NAA11: variants seen among roughly 807,000 people sequenced by gnomAD.
NAA11 encodes the protein N-alpha-acetyltransferase 11.
A neutral mutation model predicts 16.1 loss-of-function variants in NAA11; 15 were observed. That is an observed-to-expected ratio of 0.93 (90% CI 0.62 to 1.44). NAA11 has a LOEUF of 1.44. Ranked by LOEUF, NAA11 falls within the 40% of genes most tolerant of loss-of-function variation. The pLI is 0.00. For missense variants in NAA11, 298 were observed against 291.3 expected (o/e 1.02, Z -0.17); for synonymous variants, 122 against 112.4 (o/e 1.09, Z -0.54).
chr4:79,292,804 C>A (rs1723117688), intron 2 of NAA11, among the ~76,000 whole-genome samples: 1 of 152,158 alleles, frequency 6.6e-6, no homozygotes, highest in East Asian at 1.9e-4. Context: ...ATCTAAAAAT[C>A]TCTGTGGCTT....
At chr4:79,189,145 C>CAAAAAAAAAAAAA in the NAA11 span, among the ~76,000 whole-genome samples, 29 of 42,296 alleles carry the variant, frequency 6.9e-4, 8 homozygotes, top group South Asian at 4.6e-3. Flanking sequence ...GACTCCATCT[C>CAAAAAAAAAAAAA]AAAAAAAAAA....
chr4:79,290,381 G>T (rs1482351202), intron 2 of NAA11, among the ~76,000 whole-genome samples: 1 of 152,146 alleles, frequency 6.6e-6, no homozygotes, highest in African/African-American at 2.4e-5. Context: ...GCCAGAAATT[G>T]TCCTGTTGTG....
the NAA11 span, among the ~76,000 whole-genome samples, chr4:79,220,242 G>A: frequency 1.3e-5 from 2 of 152,262 alleles, no homozygotes; most frequent in South Asian, 2.1e-4. Flanking sequence ...ACAGGCAGGC[G>A]CCACTACGCC....
the NAA11 span, among the ~76,000 whole-genome samples, chr4:79,175,522 A>G: frequency 6.6e-6 from 1 of 152,020 alleles, no homozygotes; most frequent in African/African-American, 2.4e-5. Context: ...TGTTTCATCT[A>G]TAATTTGCGC....
At chr4:79,172,984 C>A in the NAA11 span, among the ~76,000 whole-genome samples, 1 of 152,140 alleles carries the variant, frequency 6.6e-6, no homozygotes, top group African/African-American at 2.4e-5. Context: ...CTCCACATTT[C>A]ATTCTTTTCC....
the NAA11 span, among the ~76,000 whole-genome samples, chr4:79,190,075 G>A: frequency 5.3e-5 from 8 of 152,014 alleles, no homozygotes; most frequent in Non-Finnish European, 8.8e-5. Context: ...CAAAAAACCC[G>A]CACAAAGCTA....
the NAA11 span, among the ~76,000 whole-genome samples, chr4:79,197,953 G>A: frequency 2.0e-5 from 3 of 146,968 alleles, no homozygotes; most frequent in Admixed American, 7.0e-5. Flanking sequence ...AAGGTTATGC[G>A]AGGTAAGTAA....
At chr4:79,279,261 T>C (rs1247708215) in intron 2 of NAA11, among the ~76,000 whole-genome samples, 1 of 152,120 alleles carries the variant, frequency 6.6e-6, no homozygotes, top group Non-Finnish European at 1.5e-5. Flanking sequence ...CATTTTCTCA[T>C]TTAATTCTCC....
intron 2 of NAA11, among the ~76,000 whole-genome samples, chr4:79,236,779 CAG>C (rs1054373300): frequency 6.6e-6 from 1 of 152,160 alleles, no homozygotes; most frequent in Admixed American, 6.6e-5. Flanking sequence ...GTTGCACAAA[CAG>C]AGCCATCTCT....
the NAA11 span, among the ~76,000 whole-genome samples, chr4:79,209,625 GA>G: frequency 6.6e-6 from 1 of 151,892 alleles, no homozygotes; most frequent in East Asian, 1.9e-4. Flanking sequence ...ATATAAGTAG[GA>G]AAAAAAGGAT....
the NAA11 span, among the ~76,000 whole-genome samples, chr4:79,219,896 C>G: frequency 6.6e-6 from 1 of 152,190 alleles, no homozygotes; most frequent in African/African-American, 2.4e-5. Flanking sequence ...GTTCAAGTTT[C>G]TCCAACTGTC....
chr4:79,246,390 A>G (rs1578160676), intron 2 of NAA11, among the ~76,000 whole-genome samples: 1 of 34,524 alleles, frequency 2.9e-5, no homozygotes, highest in South Asian at 2.5e-3. Flanking sequence ...AAAAAAAAAA[A>G]AAAAAAAAAG....
chr4:79,201,080 C>T, the NAA11 span, among the ~76,000 whole-genome samples: 5 of 151,310 alleles, frequency 3.3e-5, no homozygotes, highest in Admixed American at 2.6e-4. Context: ...TTTTTCCTTA[C>T]GTTTCATGCT....
intron 1 of NAA11, among the ~76,000 whole-genome samples, chr4:79,309,714 CTTTTTTTTTTTTTTT>C (rs71662804): frequency 6.1e-5 from 5 of 81,422 alleles, no homozygotes; most frequent in African/African-American, 2.5e-4. Flanking sequence ...TTTTTTTTTT[CTTTTTTTTTTTTTTT>C]TTTTGAGATG....
At chr4:79,310,041 G>A (rs1043590448) in intron 1 of NAA11, among the ~76,000 whole-genome samples, 3 of 151,940 alleles carry the variant, frequency 2.0e-5, no homozygotes, top group African/African-American at 7.3e-5. Flanking sequence ...ATATAAAATG[G>A]GATTCATTAT....
At chr4:79,279,983 T>A (rs983149138) in intron 2 of NAA11, among the ~76,000 whole-genome samples, 22 of 152,154 alleles carry the variant, frequency 1.4e-4, no homozygotes, top group African/African-American at 4.6e-4. Context: ...ATGGGCAACA[T>A]TCATGGATGT....
rs114663572 is a variant in NAA11 at position 79,288,218 on chromosome 4, G to T, written c.*122+5787C>A. On this transcript the variant is annotated intron_variant and NMD_transcript_variant, in intron 2 of 2. Coordinates refer to the NAA11 transcript ENST00000511542. Reference sequence around the variant, plus strand: ...CACTGACACCTCATTACAGAATGGGGTGTTTTTTCCCCCAGTCTGTATTAG... The same window carrying T: ...CACTGACACCTCATTACAGAATGGGTTGTTTTTTCCCCCAGTCTGTATTAG... Among the ~76,000 whole-genome samples, 1,463 of 152,198 alleles carry T rather than the reference G, an allele frequency of 9.6e-3. 12 individuals carry two copies. Among genetic ancestry groups the T allele is most frequent in the Non-Finnish European group, 0.015 (1,010 of 68,006 alleles).
chr4:79,306,619 G>A (rs1024995022), intron 1 of NAA11: 7 of 152,162 alleles, frequency 4.6e-5, no homozygotes, highest in Admixed American at 1.3e-4. Context: ...CAGAAATCAT[G>A]GTTATAACTT....
At chr4:79,174,855 A>G in the NAA11 span, among the ~76,000 whole-genome samples, 38 of 152,306 alleles carry the variant, frequency 2.5e-4, no homozygotes, top group Admixed American at 1.8e-3. Context: ...TCCGAATGCA[A>G]ATAGTATACA....
Sources: gnomAD v4.1 joint callset for allele counts (sites outside exome capture counted in the v4.1 genomes callset) on GRCh38, gnomAD v4.1.1 for gene constraint, MANE v1.5 for transcripts, NCBI Gene and HGNC (gene_info 2026-07-23, HGNC 2026-07-21) for gene names.